SIN3A: variants seen among roughly 807,000 people sequenced by gnomAD.
SIN3A encodes paired amphipathic helix protein Sin3a.
SIN3A carries 14 observed loss-of-function variants against 146.1 expected under a neutral mutation model. That is an observed-to-expected ratio of 0.10 (90% CI 0.06 to 0.15). The LOEUF is 0.15. Among genes scored for constraint, SIN3A ranks in the 10% least tolerant of loss-of-function variants. The probability of loss-of-function intolerance (pLI) is 1.00; values close to 1 mark genes in which losing one functional copy is unlikely to be tolerated. For synonymous variants in SIN3A, 572 were observed against 572.0 expected (o/e 1.00, Z 0.00); for missense variants, 1,028 against 1,576.0 (o/e 0.65, Z 5.89).
intron 2 of SIN3A, 53 bp from the exon 3 acceptor site, chr15:75,422,876 CA>C: frequency 6.5e-7 from 1 of 1,541,422 alleles, no homozygotes. Flanking sequence ...CATTCTTCCC[CA>C]AATGAGTCTA....
Position 75,430,174 on chromosome 15 carries a change from G to A in SIN3A, c.189+13C>T, listed in dbSNP as rs1200956169. 6.2e-7 allele frequency: 1 copy of A among 1,602,218 alleles called. No homozygotes were observed. Among genetic ancestry groups the A allele is most frequent in the Admixed American group, 1.7e-5 (1 of 59,924 alleles). ...CTTCCCTCATTCTAGTCCCTTGGTT[G>A]GCTCCAGCTTACCTGGTAGCTGGGT... On this transcript the variant is annotated intron_variant, in intron 2 of 20. Coordinates refer to ENST00000394947, the MANE Select transcript of SIN3A (RefSeq NM_001145358.2).
chr15:75,439,403 T>G (rs1259615852), intron 1 of SIN3A, among the ~76,000 whole-genome samples: 2 of 151,890 alleles, frequency 1.3e-5, no homozygotes, highest in Admixed American at 6.6e-5. Context: ...CGCAGTGGCG[T>G]GATCTTGGCT....
In SIN3A at chr15:75,375,647, TCA is replaced by T. The variant is rs776172017; in HGVS notation, c.3591+16_3591+17del. ...AGGGTGGGAGATGTGTACAGAAATT[TCA>T]GTTACTGGTTCTCACCTGATGAGCC... On this transcript the variant is annotated intron_variant, in intron 20 of 20. Coordinates refer to ENST00000394947, the MANE Select transcript of SIN3A (RefSeq NM_001145358.2). 2 of 1,607,560 alleles carry T rather than the reference TCA, an allele frequency of 1.2e-6. No individual in the cohort carries two copies. Among genetic ancestry groups the T allele is most frequent in the Admixed American group, 3.3e-5 (2 of 60,016 alleles).
chr15:75,437,465 C>A (rs915326376), intron 1 of SIN3A, among the ~76,000 whole-genome samples: 1 of 152,178 alleles, frequency 6.6e-6, no homozygotes, highest in African/African-American at 2.4e-5. Flanking sequence ...CTGCGCCCAG[C>A]CAGACCCCTC....
chr15:75,435,998 A>T (rs1002167360), intron 1 of SIN3A, among the ~76,000 whole-genome samples: 1 of 151,450 alleles, frequency 6.6e-6, no homozygotes, highest in African/African-American at 2.4e-5. Flanking sequence ...GTGGTGGCGC[A>T]CAACTATGGT....
chr15:75,428,755 C>G lies in SIN3A; in HGVS notation c.189+1432G>C, dbSNP rs147587797. The stretch of plus-strand genomic sequence containing the variant: ...CAGGCAATCCTCATGCTTCCAACTT[C>G]GCCAACTGTTGGGATTATGGGTGCG... On this transcript the variant is annotated intron_variant, in intron 2 of 20. Coordinates refer to ENST00000394947, the MANE Select transcript of SIN3A (RefSeq NM_001145358.2). 5.9e-4 allele frequency among the ~76,000 whole-genome samples: 90 copies of G among 152,222 alleles called. No individual in the cohort carries two copies. The South Asian group carries it at 7.0e-3, about 12-fold the overall frequency.
intron 1 of SIN3A, among the ~76,000 whole-genome samples, chr15:75,438,433 T>C (rs991557644): frequency 2.8e-4 from 43 of 151,914 alleles, no homozygotes; most frequent in Admixed American, 2.2e-3. Context: ...TTTGTAATCC[T>C]AGCACTTTGG....
chr15:75,389,863 A>G (rs2073164543), intron 15 of SIN3A, 42 bp from the exon 16 acceptor site: 2 of 1,599,974 alleles, frequency 1.3e-6, no homozygotes, highest in South Asian at 1.1e-5. Flanking sequence ...CCTTGCTAAG[A>G]AAAGACTAGG....
intron 2 of SIN3A, among the ~76,000 whole-genome samples, chr15:75,426,944 A>G (rs2073935664): frequency 6.6e-6 from 1 of 152,086 alleles, no homozygotes; most frequent in African/African-American, 2.4e-5. Context: ...AAAAAAGTAA[A>G]TTTAGATAGC....
intron 3 of SIN3A, among the ~76,000 whole-genome samples, chr15:75,418,431 T>C (rs983768602): frequency 7.9e-5 from 12 of 152,160 alleles, no homozygotes; most frequent in African/African-American, 2.9e-4. Flanking sequence ...GTTCAAGCGA[T>C]TCTCGTGCCT....
chr15:75,400,360 G>A (rs2073387599), intron 11 of SIN3A, among the ~76,000 whole-genome samples: 1 of 152,240 alleles, frequency 6.6e-6, no homozygotes, highest in Admixed American at 6.5e-5. Flanking sequence ...AGTGCTTTGG[G>A]AGGACGAAGC....
In SIN3A at chr15:75,392,512, G is replaced by T. The variant is rs2073225540; in HGVS notation, c.2581C>A (p.Pro861Thr). 1.2e-6 allele frequency: 2 copies of T among 1,613,990 alleles called. No individual in the cohort carries two copies. Among genetic ancestry groups the T allele is most frequent in the Admixed American group, 3.3e-5 (2 of 59,998 alleles). The change falls in exon 15 of 21, where the codon CCC becomes ACC. Residue 861 changes from proline to threonine, a missense_variant. Coordinates refer to ENST00000394947, the MANE Select transcript of SIN3A (RefSeq NM_001145358.2). The part of the protein sequence containing the change: ...VKKHNGVGGS[P>T]PKSKLLFSNT... ...CTAAACAGTAACTTGGACTTAGGGG[G>T]ACTGCCCCCAACACCATTGTGCTTC...
chr15:75,405,750 CAAAAAT>C (rs1208326085), intron 9 of SIN3A, among the ~76,000 whole-genome samples: 12 of 151,946 alleles, frequency 7.9e-5, no homozygotes, highest in Non-Finnish European at 1.2e-4. Flanking sequence ...GGCTCTGTCT[CAAAAAT>C]AAAAATAAAA....
intron 8 of SIN3A, 39 bp from the exon 9 acceptor site, chr15:75,407,183 T>C (rs2073532114): frequency 1.5e-6 from 2 of 1,332,140 alleles, no homozygotes; most frequent in Admixed American, 3.7e-5. Flanking sequence ...ATTCAACGAG[T>C]GGTTTTCTCT....
chr15:75,445,214 C>T (rs2074283789), intron 1 of SIN3A, among the ~76,000 whole-genome samples: 1 of 150,338 alleles, frequency 6.7e-6, no homozygotes, highest in Non-Finnish European at 1.5e-5. Context: ...AACCCTGTCT[C>T]TACTAAAAAT....
At chr15:75,373,740 G>A (rs11072544) in intron 20 of SIN3A, among the ~76,000 whole-genome samples, 65,474 of 148,730 alleles carry the variant, frequency 0.44, 15,114 homozygotes, top group Admixed American at 0.55. Context: ...AGGAGACCCC[G>A]TGTCTATTTT....
rs2073861256 is a variant in SIN3A at position 75,422,801 on chromosome 15, G to A, written c.212C>T (p.Ser71Phe). 1 of 1,613,448 alleles carries A rather than the reference G, an allele frequency of 6.2e-7. No individual in the cohort carries two copies. ...SYQVSAMPQS[S>F]GSHGPAIAAV... ...TGCTATAGCGGGCCCATGACTGCCGGAGCTCTGTGGCATGGCTGAAACCTG... is the reference window on the plus strand; with the variant it reads ...TGCTATAGCGGGCCCATGACTGCCGAAGCTCTGTGGCATGGCTGAAACCTG... The change falls in exon 3 of 21, where the codon TCC becomes TTC. Residue 71 changes from serine (S) to phenylalanine (F), a missense_variant. Physicochemically the swap from Ser to Phe is radical, Grantham distance 155. This residue lies in a region of SIN3A where 152 missense variants were observed against 231.5 expected (regional missense o/e 0.66). Coordinates refer to ENST00000394947, the MANE Select transcript of SIN3A (RefSeq NM_001145358.2).
Position 75,375,697 on chromosome 15 carries a change from A to T in SIN3A, c.3559T>A (p.Tyr1187Asn). 6.2e-7 allele frequency: 1 copy of T among 1,614,194 alleles called. No individual in the cohort carries two copies. The highest frequency in any genetic ancestry group is 2.2e-5 in the East Asian group (1 of 44,892). ...VYVIKSEDYM[Y>N]RRTALLRAHQ... ...GCCCGGAGCAGGGCGGTCCTCCGAT[A>T]CATATAGTCCTCTGATTTGATCACA... The change falls in exon 20 of 21, where the codon TAT becomes AAT. Residue 1187 changes from tyrosine to asparagine, a missense_variant. By Grantham distance (143) the Tyr-to-Asn change is moderately radical (BLOSUM62 -2). This residue lies in a region of SIN3A where 488 missense variants were observed against 690.2 expected (regional missense o/e 0.71). Transcript: ENST00000394947.
intron 19 of SIN3A, among the ~76,000 whole-genome samples, chr15:75,380,337 T>C (rs770240731): frequency 1.3e-5 from 2 of 152,218 alleles, no homozygotes; most frequent in Non-Finnish European, 2.9e-5. Flanking sequence ...TCTGACTATA[T>C]GCAGAGTCCT....
Sources: gnomAD v4.1 joint callset for allele counts (sites outside exome capture counted in the v4.1 genomes callset) on GRCh38, gnomAD v4.1.1 for gene constraint, gnomAD v4.1.1 regional missense constraint, MANE v1.5 for transcripts, NCBI Gene and HGNC (gene_info 2026-07-23, HGNC 2026-07-21) for gene names.